TLN2: variants seen among roughly 807,000 people sequenced by gnomAD.
TLN2 encodes talin-2.
In TLN2, 118 loss-of-function variants were observed where a neutral mutation model predicts 294.7. The observed-to-expected ratio is 0.40, with a 90% CI of 0.34 to 0.47. The LOEUF is 0.47. TLN2 is among the 20% of genes least tolerant of loss of function. The pLI is 0.84. For synonymous variants in TLN2, 1,431 were observed against 1,304.5 expected (o/e 1.10, Z -2.09); for missense variants, 3,083 against 3,282.2 (o/e 0.94, Z 1.48).
In TLN2 at chr15:62,605,403, G is replaced by C. The variant is rs7169589; in HGVS notation, c.-161-12948G>C. Reference sequence around the variant, plus strand: ...CTTCTTGTTGTTATTCACATTTCCTGTATTGGACACAGAATCTACTCTAGG... The same window carrying C: ...CTTCTTGTTGTTATTCACATTTCCTCTATTGGACACAGAATCTACTCTAGG... On this transcript the variant is annotated intron_variant, in intron 2 of 58. Transcript: ENST00000636159. Among the ~76,000 whole-genome samples the C allele has an allele frequency of 2.8e-3, 419 of 152,272 alleles. 4 individuals carry two copies. Among genetic ancestry groups the C allele is most frequent in the African/African-American group, 9.8e-3 (407 of 41,570 alleles).
intron 52 of TLN2, among the ~76,000 whole-genome samples, chr15:62,815,978 G>A (rs187790204): frequency 8.1e-4 from 123 of 152,256 alleles, no homozygotes; most frequent in Admixed American, 2.9e-3. Flanking sequence ...AAAGCCCGGG[G>A]TCATTTCTTG....
At chr15:62,415,935 A>G (rs1174123412) in intron 1 of TLN2, among the ~76,000 whole-genome samples, 2 of 152,228 alleles carry the variant, frequency 1.3e-5, no homozygotes, top group South Asian at 2.1e-4. Context: ...GCTTAAAACT[A>G]ATTTAAAGGG....
rs190471105 is a variant in TLN2, at chr15:62,524,196, T to C, written c.-237-65491T>C. The stretch of plus-strand genomic sequence containing the variant: ...GGGCTATTCCAGCATTCCTGTGCCC[T>C]GATAACATAGCCTTTTCAATGCTGG... On this transcript the variant is annotated intron_variant, in intron 1 of 58. Transcript: ENST00000636159. Among the ~76,000 whole-genome samples, 7 of 152,352 alleles carry C rather than the reference T, an allele frequency of 4.6e-5. No individual in the cohort carries two copies. In the East Asian group the frequency reaches 1.3e-3, roughly 29 times the overall value.
At chr15:62,526,950 A>G (rs1356103915) in intron 1 of TLN2, among the ~76,000 whole-genome samples, 1 of 152,190 alleles carries the variant, frequency 6.6e-6, no homozygotes, top group African/African-American at 2.4e-5. Flanking sequence ...GTACCAATCT[A>G]CAGTCTATAG....
intron 1 of TLN2, among the ~76,000 whole-genome samples, chr15:62,465,147 A>G (rs1237666028): frequency 1.4e-5 from 2 of 144,702 alleles, no homozygotes; most frequent in Non-Finnish European, 3.0e-5. Flanking sequence ...TTTTAAGGCA[A>G]ATGAAATATG....
intron 25 of TLN2, among the ~76,000 whole-genome samples, chr15:62,720,910 A>C (rs2060106668): frequency 6.6e-6 from 1 of 152,188 alleles, no homozygotes; most frequent in African/African-American, 2.4e-5. Context: ...AGAGGATTGT[A>C]AACAGCTTAT....
At chr15:62,620,320 G>A (rs1232786546) in intron 3 of TLN2, among the ~76,000 whole-genome samples, 2 of 151,828 alleles carry the variant, frequency 1.3e-5, no homozygotes, top group African/African-American at 4.8e-5. Flanking sequence ...ATTTTAATTT[G>A]GCCAATATAT....
intron 1 of TLN2, among the ~76,000 whole-genome samples, chr15:62,573,170 A>G (rs1038815036): frequency 2.6e-5 from 4 of 151,970 alleles, no homozygotes; most frequent in African/African-American, 9.7e-5. Flanking sequence ...CCCCCTTGAC[A>G]TGCTCTATCC....
chr15:62,656,195 G>A (rs754774658), intron 8 of TLN2, 109 bp downstream of exon 8: 260 of 1,405,546 alleles, frequency 1.8e-4, no homozygotes, highest in Non-Finnish European at 2.3e-4. Flanking sequence ...CATTTATGGC[G>A]TCGTTTCCAG....
chr15:62,534,627 T>C (rs969415447), intron 1 of TLN2, among the ~76,000 whole-genome samples: 1 of 152,166 alleles, frequency 6.6e-6, no homozygotes, highest in Admixed American at 6.5e-5. Flanking sequence ...TTGCCATTGA[T>C]GATCAAGTCA....
chr15:62,432,928 T>A (rs955534666), intron 1 of TLN2, among the ~76,000 whole-genome samples: 5 of 152,146 alleles, frequency 3.3e-5, no homozygotes, highest in Non-Finnish European at 7.4e-5. Context: ...GGAGAAGCCC[T>A]TGCCAGGCAG....
At chr15:62,415,493 T>G (rs2034021991) in intron 1 of TLN2, among the ~76,000 whole-genome samples, 1 of 114,136 alleles carries the variant, frequency 8.8e-6, no homozygotes, top group Non-Finnish European at 1.8e-5. Flanking sequence ...GAACAAATGA[T>G]TCCAACTGAA....
intron 9 of TLN2, among the ~76,000 whole-genome samples, chr15:62,663,444 A>G (rs2054140481): frequency 6.6e-6 from 1 of 151,054 alleles, no homozygotes; most frequent in South Asian, 2.1e-4. Context: ...GAGTGCAATA[A>G]GGAAAGAAAA....
At chr15:62,837,087 A>G (rs911703068) in intron 57 of TLN2, among the ~76,000 whole-genome samples, 1 of 152,174 alleles carries the variant, frequency 6.6e-6, no homozygotes, top group Admixed American at 6.5e-5. Flanking sequence ...GATTGTCTGT[A>G]TTGCTAAAAG....
chr15:62,743,130 G>T (rs542771954), intron 32 of TLN2, among the ~76,000 whole-genome samples: 3 of 152,144 alleles, frequency 2.0e-5, no homozygotes, highest in African/African-American at 7.2e-5. Flanking sequence ...TTTCATCTGG[G>T]CCTAGAACAG....
chr15:62,647,228 C>A, intron 3 of TLN2, 47 bp from the exon 4 acceptor site: 2 of 1,485,144 alleles, frequency 1.3e-6, no homozygotes, highest in Non-Finnish European at 1.8e-6. Context: ...TTCCCCAAGA[C>A]AAATTATTAT....
intron 1 of TLN2, among the ~76,000 whole-genome samples, chr15:62,521,504 A>G (rs765376816): frequency 6.6e-6 from 1 of 152,182 alleles, no homozygotes; most frequent in Non-Finnish European, 1.5e-5. Context: ...AGTGGATTCA[A>G]AGATTTTCTA....
chr15:62,813,081 G>A (rs759403476), intron 52 of TLN2, among the ~76,000 whole-genome samples: 60 of 152,310 alleles, frequency 3.9e-4, no homozygotes, highest in Non-Finnish European at 7.3e-4. Context: ...ATCGGAAGGA[G>A]GGAGAGTGAC....
chr15:62,624,381 G>A (rs995940457), intron 3 of TLN2, among the ~76,000 whole-genome samples: 4 of 152,286 alleles, frequency 2.6e-5, no homozygotes, highest in South Asian at 2.1e-4. Context: ...CTGCCCTTCC[G>A]ACTGAATCCC....
Sources: gnomAD v4.1 joint callset for allele counts (sites outside exome capture counted in the v4.1 genomes callset) on GRCh38, gnomAD v4.1.1 for gene constraint, MANE v1.5 for transcripts, NCBI Gene and HGNC (gene_info 2026-07-23, HGNC 2026-07-21) for gene names.